GATA2: variants seen among roughly 807,000 people sequenced by gnomAD.
The protein encoded by GATA2 is endothelial transcription factor GATA-2.
GATA2 carries 6 observed loss-of-function variants against 35.7 expected under a neutral mutation model. The observed-to-expected ratio is 0.17, with a 90% CI of 0.09 to 0.33. The LOEUF (loss-of-function observed/expected upper bound fraction) is 0.33, where lower values mean the gene tolerates loss of function less well. Among genes scored for constraint, GATA2 ranks in the 10% least tolerant of loss-of-function variants. The probability of loss-of-function intolerance (pLI) is 1.00; values close to 1 mark genes in which losing one functional copy is unlikely to be tolerated. For synonymous variants in GATA2, 313 were observed against 274.9 expected (o/e 1.14, Z -1.37); for missense variants, 541 against 656.6 (o/e 0.82, Z 1.92).
Position 128,486,183 on chromosome 3 carries a change from A to G in GATA2, c.415T>C (p.Ser139Pro). ...CCACCCCCAGCCCCTGGGTACACAGAGAGTGGGCCTCCAGGGCCTCCAGCA... is the reference window on the plus strand; with the variant it reads ...CCACCCCCAGCCCCTGGGTACACAGGGAGTGGGCCTCCAGGGCCTCCAGCA... ...SAAGGPGGPL[S>P]VYPGAGGGSG... is the part of the protein sequence containing the mutation. The change falls in exon 3 of 6, where the codon TCT (serine) becomes CCT (proline). Residue 139 changes from serine to proline, a missense_variant. By Grantham distance (74) the Ser-to-Pro change is moderately conservative (BLOSUM62 -1). Transcript: ENST00000341105. 1.9e-6 allele frequency: 3 copies of G among 1,564,490 alleles called. No individual in the cohort carries two copies. The Middle Eastern group carries it at 5.4e-4, about 279-fold the overall frequency.
intron 3 of GATA2, 40 bp from the exon 4 acceptor site, chr3:128,484,045 C>A (rs763063817): frequency 6.2e-7 from 1 of 1,604,006 alleles, no homozygotes; most frequent in East Asian, 2.2e-5. Flanking sequence ...CCTGCTTAAC[C>A]GGCAAGTTCT....
rs1389428729 is a variant in GATA2, at chr3:128,488,569, G to A, written c.-45-1493C>T. The A allele has an allele frequency of 3.9e-5, 6 of 152,262 alleles. No individual in the cohort carries two copies. Among genetic ancestry groups the A allele is most frequent in the African/African-American group, 1.4e-4 (6 of 41,428 alleles). 9.4% of individuals were successfully genotyped at this position (152,262 alleles called of 1,614,324 possible). On this transcript the variant is annotated intron_variant, in intron 1 of 5. Coordinates refer to ENST00000341105, the MANE Select transcript of GATA2 (RefSeq NM_032638.5). This position sits in a 1 kb window ranked among gnomAD's most constrained non-coding sequence, Gnocchi z 5.8. ...CCGGTGGCTCCAGAAAGGGGGAGGG[G>A]GCACCCCTCCCCGGGCGTGGCCTTC...
In GATA2 at chr3:128,482,213, C is replaced by T. The variant is rs2068639482; in HGVS notation, c.1018-269G>A. The T allele has an allele frequency of 1.6e-5, 8 of 509,526 alleles. 1 individual carries two copies. In the South Asian group the frequency reaches 1.7e-4, roughly 11 times the overall value. 31.6% of individuals were successfully genotyped at this position (509,526 alleles called of 1,614,324 possible). ...GCTACAGAGGAGAATTAGCTACCTC[C>T]CCCAACTACCCTGCGCTCTAACTCC... On this transcript the variant is annotated intron_variant, in intron 4 of 5. Coordinates refer to ENST00000341105, the MANE Select transcript of GATA2 (RefSeq NM_032638.5).
At position 128,488,095 on chromosome 3, in the gene GATA2, C is replaced by A. The variant is rs1485395335; in HGVS notation, c.-45-1019G>T. On this transcript the variant is annotated intron_variant, in intron 1 of 5. Transcript: ENST00000341105. This position sits in a 1 kb window ranked among gnomAD's most constrained non-coding sequence, Gnocchi z 5.8. ...CCTCAGCCGGCGGGCCCCCTCCCTG[C>A]GCGCTCCTGGCGGCCCCTGCTGCCA... is the stretch of plus-strand genomic sequence containing the variant. Among the ~76,000 whole-genome samples the A allele has an allele frequency of 1.3e-5, 2 of 152,122 alleles. No homozygotes were observed. The highest frequency in any genetic ancestry group is 2.9e-5 in the Non-Finnish European group (2 of 68,000).
intron 1 of GATA2, 129 bp from the exon 2 acceptor site, chr3:128,487,205 G>C: frequency 3.3e-6 from 2 of 607,244 alleles, no homozygotes; most frequent in Middle Eastern, 4.4e-4. Context: ...GTCCCGGGTG[G>C]GAGGAAAGCC....
chr3:128,490,222 T>G (rs1259629519), intron 1 of GATA2: 2 of 152,296 alleles, frequency 1.3e-5, no homozygotes, highest in Non-Finnish European at 2.9e-5. Flanking sequence ...CCAGCCTGGC[T>G]GAGTCCCCTG....
At chr3:128,490,178 G>C (rs1008700774) in intron 1 of GATA2, 3 of 152,234 alleles carry the variant, frequency 2.0e-5, no homozygotes, top group Non-Finnish European at 4.4e-5. Flanking sequence ...ACCCCTCCGC[G>C]GCAGGGTCCC....
rs2068663044 is a variant in GATA2 at position 128,484,000 on chromosome 3, G to A, written c.877C>T (p.Arg293Trp). The A allele has an allele frequency of 6.2e-7, 1 of 1,613,496 alleles. No homozygotes were observed. ...GTGGCCCCACAGTTGACACACTCCC[G>A]GCCTTCTGCAGGGGAACAGGGAGAG... ...RSKARSCSEG[R>W]ECVNCGATAT... Residue 293 changes from arginine to tryptophan, a missense_variant, in exon 4 of 6, where the codon CGG becomes TGG. Transcript: ENST00000341105.
intron 4 of GATA2, 85 bp downstream of exon 4, chr3:128,483,775 G>T: frequency 6.5e-7 from 1 of 1,548,010 alleles, no homozygotes; most frequent in Non-Finnish European, 8.9e-7. Context: ...CAAAGCGTCT[G>T]CATTTGAAGG....
At position 128,488,090 on chromosome 3, in the gene GATA2, C is replaced by A. The variant is rs910791781; in HGVS notation, c.-45-1014G>T. 6.6e-6 allele frequency among the ~76,000 whole-genome samples: 1 copy of A among 152,172 alleles called. No individual in the cohort carries two copies. The highest frequency in any genetic ancestry group is 1.5e-5 in the Non-Finnish European group (1 of 68,016). ...GCCCCCCTCAGCCGGCGGGCCCCCTCCCTGCGCGCTCCTGGCGGCCCCTGC... is the reference window on the plus strand; with the variant it reads ...GCCCCCCTCAGCCGGCGGGCCCCCTACCTGCGCGCTCCTGGCGGCCCCTGC... On this transcript the variant is annotated intron_variant, in intron 1 of 5. Transcript: ENST00000341105. This position sits in a 1 kb window ranked among gnomAD's most constrained non-coding sequence, Gnocchi z 5.8.
chr3:128,483,416 T>C (rs549884193), intron 4 of GATA2, among the ~76,000 whole-genome samples: 120 of 152,286 alleles, frequency 7.9e-4, no homozygotes, highest in African/African-American at 2.7e-3. Flanking sequence ...GGTGACTCCA[T>C]GGAAAAATAA....
At chr3:128,485,563 C>G (rs2068683177) in intron 3 of GATA2, among the ~76,000 whole-genome samples, 164 bp downstream of exon 3, 1 of 152,154 alleles carries the variant, frequency 6.6e-6, no homozygotes, top group Admixed American at 6.5e-5. Context: ...GTCTCCTCTC[C>G]CTGACCCGGG....
intron 3 of GATA2, among the ~76,000 whole-genome samples, chr3:128,485,469 G>T (rs1005509339): frequency 6.6e-6 from 1 of 152,140 alleles, no homozygotes; most frequent in African/African-American, 2.4e-5. Flanking sequence ...CTATGTTCTG[G>T]TCAGGCAGTG....
intron 1 of GATA2, chr3:128,490,470 C>T (rs2068757108): frequency 6.6e-6 from 1 of 152,286 alleles, no homozygotes; most frequent in Non-Finnish European, 1.5e-5. Flanking sequence ...TTGGGGTTGC[C>T]TTCCTCGACA....
rs998737902 is a variant in GATA2 at position 128,485,973 on chromosome 3, C to T, written c.625G>A (p.Asp209Asn). The change falls in exon 3 of 6, where the codon GAC (aspartate) becomes AAC (asparagine). Residue 209 changes from aspartate to asparagine, a missense_variant. By Grantham distance (23) the Asp-to-Asn change is conservative. Coordinates refer to ENST00000341105, the MANE Select transcript of GATA2 (RefSeq NM_032638.5). ...AGTGACACCTGGTACTTGACGCCGT[C>T]CTTGTCCTCTCCTCGGGCTGCACTA... Reference protein sequence around the residue: ...GGSAARGEDKDGVKYQVSLTE... With the variant: ...GGSAARGEDKNGVKYQVSLTE... 6.2e-7 allele frequency: 1 copy of T among 1,614,238 alleles called. No homozygotes were observed. Among genetic ancestry groups the T allele is most frequent in the Middle Eastern group, 1.6e-4 (1 of 6,062 alleles).
intron 3 of GATA2, 64 bp from the exon 4 acceptor site, chr3:128,484,069 A>C (rs2068664331): frequency 6.3e-7 from 1 of 1,583,598 alleles, no homozygotes; most frequent in Non-Finnish European, 8.6e-7. Flanking sequence ...GAGGGAGTCC[A>C]GGGCAGGAAA....
In GATA2 at chr3:128,483,266, ACT is replaced by A. The variant is rs2068653667; in HGVS notation, c.1017+592_1017+593del. Among the ~76,000 whole-genome samples, 5 of 152,134 alleles carry A rather than the reference ACT, an allele frequency of 3.3e-5. 1 individual carries two copies. The highest frequency in any genetic ancestry group is 1.5e-5 in the Non-Finnish European group (1 of 67,992). Reference sequence around the variant, plus strand: ...CGAGAGGCAGGACTGAGCTGAGGAGACTCTAAAAACTCGCAGAGTCCGGAAAC... The same window carrying A: ...CGAGAGGCAGGACTGAGCTGAGGAGACTAAAAACTCGCAGAGTCCGGAAAC... On this transcript the variant is annotated intron_variant, in intron 4 of 5. Transcript: ENST00000341105.
chr3:128,490,336 G>A (rs2068755834), intron 1 of GATA2: 1 of 152,290 alleles, frequency 6.6e-6, no homozygotes, highest in South Asian at 2.1e-4. Flanking sequence ...GCACAGAGGG[G>A]CTTAGCAGGA....
chr3:128,492,464 G>A (rs1170699562), intron 1 of GATA2, among the ~76,000 whole-genome samples: 2 of 152,206 alleles, frequency 1.3e-5, no homozygotes, highest in African/African-American at 2.4e-5. Flanking sequence ...GCGCAAGCAG[G>A]AGCGAGCTGG....
Sources: allele counts gnomAD v4.1 joint callset (sites outside exome capture counted in the v4.1 genomes callset), GRCh38; gene constraint gnomAD v4.1.1; non-coding constraint Gnocchi (gnomAD v3.1); transcripts MANE v1.5; gene names NCBI Gene and HGNC (gene_info 2026-07-23, HGNC 2026-07-21).